Variants in TBC1D5 observed in about 807,000 individuals in gnomAD.
The protein encoded by TBC1D5 is TBC1 domain family member 5, also known as TBC1 domain family, member 5.
In TBC1D5, 75 loss-of-function variants were observed where a neutral mutation model predicts 100.3. That is an observed-to-expected ratio of 0.75 (90% CI 0.62 to 0.91). The LOEUF (loss-of-function observed/expected upper bound fraction) is 0.91. TBC1D5 is among the 40% of genes least tolerant of loss of function. The probability of loss-of-function intolerance (pLI) is 0.00; values close to 1 mark genes in which losing one functional copy is unlikely to be tolerated. For missense variants in TBC1D5, 910 were observed against 942.4 expected, an observed-to-expected ratio of 0.97 and a Z score of 0.45; for synonymous variants, 323 against 325.6, an observed-to-expected ratio of 0.99 and a Z score of 0.09.
At chr3:17,492,831 AATTGC>A (rs2095655790) in intron 3 of TBC1D5, among the ~76,000 whole-genome samples, 1 of 152,138 alleles carries the variant, frequency 6.6e-6, no homozygotes, top group Non-Finnish European at 1.5e-5. Flanking sequence ...TTGATTTCTG[AATTGC>A]ATTATTTACT....
chr3:17,422,037 A>T (rs879095163), intron 4 of TBC1D5, among the ~76,000 whole-genome samples: 1 of 152,214 alleles, frequency 6.6e-6, no homozygotes, highest in Admixed American at 6.5e-5. Context: ...GCAAGGCCTT[A>T]GAAACTTAAG....
chr3:17,485,189 G>C (rs1403877058), intron 3 of TBC1D5, among the ~76,000 whole-genome samples: 2 of 151,920 alleles, frequency 1.3e-5, no homozygotes, highest in East Asian at 3.9e-4. Context: ...TAAAGTAATT[G>C]TGAAGTTTGT....
rs576522427 is a variant in TBC1D5 at position 17,283,868 on chromosome 3, TG to T, written c.1245+8026del. Among the ~76,000 whole-genome samples the T allele has an allele frequency of 1.0e-3, 155 of 152,244 alleles. 1 individual carries two copies. Among genetic ancestry groups the T allele is most frequent in the Non-Finnish European group, 1.5e-3 (102 of 68,010 alleles). On this transcript the variant is annotated intron_variant, in intron 15 of 21. Coordinates refer to ENST00000253692, the Ensembl canonical transcript of TBC1D5. ...CCCCTGGTCCTGGCTCCAATGATACTGGTCTTTCAATTTCACCAATAGCCTA... is the reference window on the plus strand; with the variant it reads ...CCCCTGGTCCTGGCTCCAATGATACTGTCTTTCAATTTCACCAATAGCCTA...
chr3:17,503,329 A>G (rs1560036022), intron 3 of TBC1D5, among the ~76,000 whole-genome samples: 1 of 149,388 alleles, frequency 6.7e-6, no homozygotes, highest in Non-Finnish European at 1.5e-5. Context: ...CACCATTACC[A>G]CAGTTGGATT....
intron 2 of TBC1D5, among the ~76,000 whole-genome samples, chr3:17,607,136 A>T (rs1295284584): frequency 6.6e-6 from 1 of 152,192 alleles, no homozygotes; most frequent in Non-Finnish European, 1.5e-5. Context: ...AACTCAGATG[A>T]CCATTTACCA....
At chr3:17,438,616 CAG>C (rs1008707503) in intron 3 of TBC1D5, among the ~76,000 whole-genome samples, 28 of 152,192 alleles carry the variant, frequency 1.8e-4, no homozygotes, top group African/African-American at 5.8e-4. Context: ...CCATGCAGAA[CAG>C]AGTCAATTAA....
chr3:17,234,094 TTA>T (rs1192415091), intron 17 of TBC1D5, among the ~76,000 whole-genome samples: 1 of 152,078 alleles, frequency 6.6e-6, no homozygotes, highest in African/African-American at 2.4e-5. Context: ...CAAAAGTAAG[TTA>T]TATGTCATTT....
intron 3 of TBC1D5, among the ~76,000 whole-genome samples, chr3:17,487,966 T>G (rs2095591334): frequency 6.6e-6 from 1 of 152,214 alleles, no homozygotes; most frequent in Admixed American, 6.5e-5. Context: ...TACATGAATG[T>G]GCCAATGGTA....
At chr3:17,509,617 G>A (rs1052151736) in intron 2 of TBC1D5, among the ~76,000 whole-genome samples, 1 of 151,922 alleles carries the variant, frequency 6.6e-6, no homozygotes, top group African/African-American at 2.4e-5. Context: ...AGAGTTAATT[G>A]TTATGACTGT....
chr3:17,595,155 C>G (rs1166901799), intron 2 of TBC1D5, among the ~76,000 whole-genome samples: 1 of 152,186 alleles, frequency 6.6e-6, no homozygotes, highest in African/African-American at 2.4e-5. Context: ...CTCAAACTAG[C>G]TCTTCTTGCT....
chr3:17,308,543 T>G (rs1250401887), intron 13 of TBC1D5, among the ~76,000 whole-genome samples: 1 of 152,158 alleles, frequency 6.6e-6, no homozygotes, highest in Non-Finnish European at 1.5e-5. Flanking sequence ...ATTGCCCTTC[T>G]GCAAATATTT....
rs193131991 is a variant in TBC1D5 at position 17,673,355 on chromosome 3, G to A, written c.-100-49442C>T. On this transcript the variant is annotated intron_variant, in intron 1 of 21. Transcript: ENST00000253692. ...AGACAGGGTCTCACCTGTCACTCAG[G>A]CTGGAGTACGGTGGCATGATCTCGG... Among the ~76,000 whole-genome samples the A allele has an allele frequency of 2.8e-5, 4 of 143,830 alleles. No individual in the cohort carries two copies. The Admixed American group carries it at 3.0e-4, about 11-fold the overall frequency. 94.4% of individuals were successfully genotyped at this position (143,830 alleles called of 152,430 possible). A position where few individuals can be genotyped will look rare whatever the true frequency, so the allele number is the denominator to read the frequency against.
chr3:17,161,024 C>CT lies in TBC1D5; in HGVS notation c.2326dup (p.Ser776LysfsTer3), dbSNP rs1463757179. On this transcript the variant is annotated frameshift_variant, in exon 22 of 22. Transcript: ENST00000253692. LOFTEE classifies it high-confidence loss of function. ...GTCCTTGCTGCTGTCGTCATCAGGA[C>CT]TGGAGCTGGGGTTGCTGGAGGAAGC... The CT allele has an allele frequency of 6.2e-7, 1 of 1,614,216 alleles. No homozygotes were observed. Among genetic ancestry groups the CT allele is most frequent in the East Asian group, 2.2e-5 (1 of 44,878 alleles).
intron 4 of TBC1D5, among the ~76,000 whole-genome samples, chr3:17,425,482 C>T (rs2094314468): frequency 6.6e-6 from 1 of 152,042 alleles, no homozygotes. Context: ...CAAGAATTAC[C>T]CAGGTGTGGT....
At chr3:17,238,078 GGA>G (rs3839093) in intron 17 of TBC1D5, 83 bp downstream of exon 17, 38,269 of 1,506,614 alleles carry the variant, frequency 0.025, 1,166 homozygotes, top group East Asian at 0.16. Context: ...TTCTATTCTA[GGA>G]GATTGGTTCC....
intron 1 of TBC1D5, among the ~76,000 whole-genome samples, chr3:17,696,703 G>C (rs761169563): frequency 6.6e-6 from 1 of 152,188 alleles, no homozygotes; most frequent in Admixed American, 6.5e-5. Context: ...CATTCCTTCT[G>C]AAAGTATTCC....
chr3:17,605,527 G>A (rs537186657), intron 2 of TBC1D5, among the ~76,000 whole-genome samples: 45 of 152,222 alleles, frequency 3.0e-4, no homozygotes, highest in Admixed American at 7.8e-4. Flanking sequence ...TCCCACAAAC[G>A]TTAAATTGTG....
intron 2 of TBC1D5, among the ~76,000 whole-genome samples, chr3:17,581,682 T>C (rs1198825554): frequency 6.6e-6 from 1 of 152,232 alleles, no homozygotes; most frequent in Non-Finnish European, 1.5e-5. Flanking sequence ...ACATGATCTC[T>C]CTGCTTCTGC....
At position 17,259,378 on chromosome 3, in the gene TBC1D5, C is replaced by T. The variant is rs549287328; in HGVS notation, c.1246-787G>A. Among the ~76,000 whole-genome samples, 273 of 152,098 alleles carry T rather than the reference C, an allele frequency of 1.8e-3. 2 individuals are homozygous for T. Among genetic ancestry groups the T allele is most frequent in the African/African-American group, 5.8e-3 (240 of 41,480 alleles). ...TTTAAATGTTCAAATCCCTCACAGG[C>T]GAGTAAAAATTAAACAAATATACTT... On this transcript the variant is annotated intron_variant, in intron 15 of 21. Transcript: ENST00000253692.
Sources: allele counts gnomAD v4.1 joint callset (sites outside exome capture counted in the v4.1 genomes callset), GRCh38; gene constraint gnomAD v4.1.1; transcripts MANE v1.5; gene names NCBI Gene and HGNC (gene_info 2026-07-23, HGNC 2026-07-21).